The following PCCA variants were observed in gnomAD, a reference collection of about 807,000 sequenced individuals.
The protein encoded by PCCA is propionyl-CoA carboxylase subunit alpha.
In PCCA, 74 loss-of-function variants were observed where a neutral mutation model predicts 101.3. That is an observed-to-expected ratio of 0.73 (90% CI 0.61 to 0.89). The LOEUF (loss-of-function observed/expected upper bound fraction) is 0.89. Ranked by LOEUF, PCCA falls within the 40% of genes least tolerant of loss-of-function variation. The pLI, the probability that PCCA is intolerant of heterozygous loss-of-function variation, is 0.00. For synonymous variants in PCCA, 294 were observed against 313.6 expected (o/e 0.94, Z 0.66); for missense variants, 891 against 907.0 (o/e 0.98, Z 0.23).
chr13:100,108,967 G>T (rs1164002001), intron 2 of PCCA, among the ~76,000 whole-genome samples: 1 of 152,114 alleles, frequency 6.6e-6, no homozygotes, highest in Non-Finnish European at 1.5e-5. Context: ...GTTTTATTGG[G>T]TTTTATGCGC....
At chr13:100,445,556 G>T (rs905448044) in intron 20 of PCCA, among the ~76,000 whole-genome samples, 2 of 151,816 alleles carry the variant, frequency 1.3e-5, no homozygotes, top group African/African-American at 4.8e-5. Flanking sequence ...CTGAAATTTT[G>T]TGGGTTTTGA....
intron 19 of PCCA, among the ~76,000 whole-genome samples, chr13:100,405,355 G>A (rs2077610533): frequency 6.6e-6 from 1 of 152,172 alleles, no homozygotes; most frequent in Non-Finnish European, 1.5e-5. Context: ...TTGCTGGTTG[G>A]TTTACAGGAA....
At chr13:100,432,025 C>T (rs778909254) in intron 20 of PCCA, among the ~76,000 whole-genome samples, 1 of 152,048 alleles carries the variant, frequency 6.6e-6, no homozygotes, top group African/African-American at 2.4e-5. Context: ...TGGTGAAACC[C>T]TGTCTTTACT....
chr13:100,266,058 T>G (rs1286155317), intron 10 of PCCA, among the ~76,000 whole-genome samples: 3 of 152,302 alleles, frequency 2.0e-5, no homozygotes, highest in Admixed American at 2.0e-4. Context: ...AGGGAGATAT[T>G]TAGATTGTCC....
intron 19 of PCCA, among the ~76,000 whole-genome samples, chr13:100,404,602 C>T (rs575417507): frequency 2.0e-5 from 3 of 152,194 alleles, no homozygotes; most frequent in South Asian, 4.2e-4. Context: ...CTAGCAGATA[C>T]TCAGGGTTAG....
chr13:100,368,624 T>C (rs1259191438), intron 19 of PCCA, 50 bp downstream of exon 19: 2 of 1,140,838 alleles, frequency 1.8e-6, no homozygotes, highest in African/African-American at 3.1e-5. Context: ...TATCTATGAA[T>C]ATTTAAAGCC....
chr13:100,164,077 A>G (rs2054786377), intron 6 of PCCA, among the ~76,000 whole-genome samples: 2 of 152,176 alleles, frequency 1.3e-5, no homozygotes, highest in Non-Finnish European at 1.5e-5. Context: ...TATAAATTCT[A>G]TGTGAAAATG....
At chr13:100,329,283 G>A (rs2069181803) in intron 16 of PCCA, among the ~76,000 whole-genome samples, 2 of 152,076 alleles carry the variant, frequency 1.3e-5, no homozygotes, top group Non-Finnish European at 2.9e-5. Flanking sequence ...TCTTATTTGA[G>A]TTTAAAATGG....
intron 18 of PCCA, among the ~76,000 whole-genome samples, chr13:100,352,149 A>T (rs1406987658): frequency 1.3e-5 from 2 of 152,210 alleles, no homozygotes. Flanking sequence ...AAAATGGTAG[A>T]TGTAAATCCT....
intron 2 of PCCA, among the ~76,000 whole-genome samples, chr13:100,105,376 T>A (rs1020275809): frequency 6.6e-6 from 1 of 152,152 alleles, no homozygotes; most frequent in African/African-American, 2.4e-5. Flanking sequence ...CATTCCAATC[T>A]CGAAGTAATC....
At chr13:100,321,044 T>TA (rs35563553) in intron 16 of PCCA, among the ~76,000 whole-genome samples, 65,939 of 152,012 alleles carry the variant, frequency 0.43, 16,068 homozygotes, top group South Asian at 0.65. Flanking sequence ...AATTCCTCCC[T>TA]AATGTTACCA....
intron 21 of PCCA, among the ~76,000 whole-genome samples, chr13:100,493,495 A>G (rs12429061): frequency 0.22 from 33,318 of 152,078 alleles, 4,751 homozygotes; most frequent in East Asian, 0.55. Context: ...AAGAGAGCCA[A>G]CCCACGTGGA....
At chr13:100,409,071 A>T (rs1040897157) in intron 19 of PCCA, among the ~76,000 whole-genome samples, 1 of 152,120 alleles carries the variant, frequency 6.6e-6, no homozygotes, top group African/African-American at 2.4e-5. Context: ...CCCTTGGACC[A>T]TGTGTCCAAG....
At chr13:100,119,905 CTTG>C (rs1248592925) in intron 4 of PCCA, among the ~76,000 whole-genome samples, 5 of 151,966 alleles carry the variant, frequency 3.3e-5, no homozygotes, top group Non-Finnish European at 7.4e-5. Flanking sequence ...GAGTTTTGCT[CTTG>C]TTGTCCAGGC....
chr13:100,125,047 C>G (rs888463356), intron 4 of PCCA, among the ~76,000 whole-genome samples: 1 of 152,126 alleles, frequency 6.6e-6, no homozygotes, highest in Non-Finnish European at 1.5e-5. Context: ...ATGCCTATCA[C>G]TGATCCTCAA....
chr13:100,246,842 G>A (rs1472199380), intron 8 of PCCA, among the ~76,000 whole-genome samples: 1 of 150,334 alleles, frequency 6.7e-6, no homozygotes, highest in African/African-American at 2.5e-5. Flanking sequence ...TATATGCAAT[G>A]TCTTATAGAA....
chr13:100,456,478 C>T (rs976561766), intron 21 of PCCA, among the ~76,000 whole-genome samples: 16 of 152,102 alleles, frequency 1.1e-4, no homozygotes, highest in Non-Finnish European at 1.9e-4. Flanking sequence ...GCAGCTGGGC[C>T]TGGGGGACCA....
At chr13:100,355,529 C>T (rs1464905212) in intron 18 of PCCA, among the ~76,000 whole-genome samples, 2 of 151,932 alleles carry the variant, frequency 1.3e-5, no homozygotes, top group East Asian at 1.9e-4. Context: ...TGGCATTGTA[C>T]AAGCCAAAAA....
In PCCA at chr13:100,527,733, C is replaced by T; in HGVS notation, c.2099C>T (p.Thr700Ile). Residue 700 changes from threonine (T) to isoleucine (I), a missense_variant, in exon 23 of 24, where the codon ACA (threonine) becomes ATA (isoleucine). Transcript: ENST00000376285. ...IEAMKMQNSMTAGKTGTVKSV... is the reference protein window; with the variant it reads ...IEAMKMQNSMIAGKTGTVKSV... ...GCCATGAAAATGCAGAATAGTATGA[C>T]AGCTGGGAAAACTGGCACGGTGAGT... 6.2e-7 allele frequency: 1 copy of T among 1,613,504 alleles called. No homozygotes were observed. The highest frequency in any genetic ancestry group is 1.7e-5 in the Admixed American group (1 of 60,014).
Sources: allele counts gnomAD v4.1 joint callset (sites outside exome capture counted in the v4.1 genomes callset), GRCh38; gene constraint gnomAD v4.1.1; transcripts MANE v1.5; gene names NCBI Gene and HGNC (gene_info 2026-07-23, HGNC 2026-07-21).